SH2D1A: variants seen among roughly 807,000 people sequenced by gnomAD.
SH2D1A encodes the protein SH2 domain containing 1A.
Under a neutral mutation model 10.1 loss-of-function variants are expected in SH2D1A, and 6 were observed. The observed-to-expected ratio is 0.60, with a 90% CI of 0.33 to 1.18. The LOEUF is 1.18. Ranked by LOEUF, SH2D1A falls within the 50% of genes most tolerant of loss-of-function variation. The probability of loss-of-function intolerance (pLI) is 0.04; values close to 1 mark genes in which losing one functional copy is unlikely to be tolerated. For synonymous variants in SH2D1A, 42 were observed against 36.9 expected (o/e 1.14, Z -0.51); for missense variants, 51 against 97.6 (o/e 0.52, Z 2.01).
chrX:124,363,983 A>C (rs2060047483), intron 1 of SH2D1A, among the ~76,000 whole-genome samples: 1 of 109,886 alleles, frequency 9.1e-6, no homozygotes, highest in African/African-American at 3.3e-5. Context: ...ATACTTGATA[A>C]TGATAACAAA....
At position 124,372,852 on chromosome X, in the gene SH2D1A, G is replaced by A. The variant is rs1476571984; in HGVS notation, c.*1461G>A. On this transcript the variant is annotated 3_prime_UTR_variant, in exon 4 of 4. Transcript: ENST00000371139. ...AGTACAAAAGTGGAGTGTGGCCTGA[G>A]TAATGCATTATGGGTGGTTTACCAT... is the stretch of plus-strand genomic sequence containing the variant. The A allele has an allele frequency of 6.3e-6, 1 of 159,509 alleles. No homozygotes were observed. The highest frequency in any genetic ancestry group is 3.0e-5 in the African/African-American group (1 of 33,036). 13.1% of individuals were successfully genotyped at this position (159,509 alleles called of 1,213,427 possible).
chrX:124,359,878 T>C (rs2060035897), intron 1 of SH2D1A, among the ~76,000 whole-genome samples: 1 of 111,343 alleles, frequency 9.0e-6, no homozygotes, highest in Non-Finnish European at 1.9e-5. Flanking sequence ...CTTTAGGTAA[T>C]CAGTTCTGAT....
At chrX:124,358,514 T>C (rs1360706934) in intron 1 of SH2D1A, among the ~76,000 whole-genome samples, 1 of 112,355 alleles carries the variant, frequency 8.9e-6, no homozygotes, top group African/African-American at 3.2e-5. Context: ...ATAGAAGCTA[T>C]AGAAAATAAA....
chrX:124,346,783 A>G lies in SH2D1A; in HGVS notation c.137+4A>G. 2 of 1,211,240 alleles carry G rather than the reference A, an allele frequency of 1.7e-6. No homozygotes were observed. The highest frequency in any genetic ancestry group is 2.2e-6 in the Non-Finnish European group (2 of 895,079). On this transcript the variant is annotated splice_donor_region_variant and intron_variant, in intron 1 of 3. Transcript: ENST00000371139. Reference sequence around the variant, plus strand: ...GCGTGTACTGCCTATGTGTGCTGTGAGTATGATACGGTGGACATGGGCCTG... The same window carrying G: ...GCGTGTACTGCCTATGTGTGCTGTGGGTATGATACGGTGGACATGGGCCTG...
At chrX:124,362,884 G>C (rs1449503303) in intron 1 of SH2D1A, among the ~76,000 whole-genome samples, 1 of 110,757 alleles carries the variant, frequency 9.0e-6, no homozygotes, top group Admixed American at 9.7e-5. Context: ...AATCATAAGT[G>C]TGGGGCTCCA....
rs1309283859 is a variant in SH2D1A at position 124,370,292 on chromosome X, C to T, written c.318C>T (p.Ser106=). The change falls in exon 3 of 4, where the codon TCC becomes TCT. Residue 106 remains serine (S), a synonymous_variant. Coordinates refer to ENST00000371139, the MANE Select transcript of SH2D1A (RefSeq NM_002351.5). ...TGCAGTATCCAGTTGAGAAGAAGTC[C>T]TCAGCTAGAAGTACACAAGGTACTA... ...IPLQYPVEKK[S]SARSTQGTTG... is the part of the protein sequence containing the mutation. 1.7e-6 allele frequency: 2 copies of T among 1,204,553 alleles called. No homozygotes were observed. The highest frequency in any genetic ancestry group is 2.2e-6 in the Non-Finnish European group (2 of 889,057).
In SH2D1A at chrX:124,346,579, C is replaced by T. The variant is rs1347656988; in HGVS notation, c.-64C>T. The T allele has an allele frequency of 5.1e-6, 6 of 1,178,129 alleles. No individual in the cohort carries two copies. Among genetic ancestry groups the T allele is most frequent in the Non-Finnish European group, 6.9e-6 (6 of 866,857 alleles). ...CAGGTGGTTGACTTGTGCCTGGCTG[C>T]AGTAGCAGCGGCATCTCCCTTGCAC... is the stretch of plus-strand genomic sequence containing the variant. On this transcript the variant is annotated 5_prime_UTR_variant, in exon 1 of 4. Coordinates refer to ENST00000371139, the MANE Select transcript of SH2D1A (RefSeq NM_002351.5).
chrX:124,363,906 A>AAG (rs1569527529), intron 1 of SH2D1A, among the ~76,000 whole-genome samples: 3 of 106,056 alleles, frequency 2.8e-5, no homozygotes, highest in African/African-American at 6.8e-5. Context: ...AAAAAAAAAA[A>AAG]AAAAAAAAAA....
At chrX:124,350,307 T>TA (rs2060006942) in intron 1 of SH2D1A, among the ~76,000 whole-genome samples, 1 of 31,546 alleles carries the variant, frequency 3.2e-5, no homozygotes, top group African/African-American at 1.6e-4. Context: ...TATATAAATA[T>TA]ATATTATATA....
In SH2D1A at chrX:124,371,372, T is replaced by C; in HGVS notation, c.368T>C (p.Val123Ala). The part of the protein sequence containing the change: ...GTTGIREDPD[V>A]CLKAP ...TTAGGGATAAGAGAAGATCCTGATGTCTGCCTGAAAGCCCCATGAAGAAAA... is the reference window on the plus strand; with the variant it reads ...TTAGGGATAAGAGAAGATCCTGATGCCTGCCTGAAAGCCCCATGAAGAAAA... Residue 123 changes from valine to alanine, a missense_variant, in exon 4 of 4, where the codon GTC becomes GCC. By Grantham distance (64) the Val-to-Ala change is moderately conservative. Coordinates refer to ENST00000371139, the MANE Select transcript of SH2D1A (RefSeq NM_002351.5). The C allele has an allele frequency of 8.5e-7, 1 of 1,174,801 alleles. No homozygotes were observed. Among genetic ancestry groups the C allele is most frequent in the Admixed American group, 2.2e-5 (1 of 45,504 alleles).
In SH2D1A at chrX:124,370,219, A is replaced by G. The variant is rs1240316635; in HGVS notation, c.245A>G (p.Asn82Ser). The G allele has an allele frequency of 2.5e-6, 3 of 1,199,375 alleles. No individual in the cohort carries two copies. Among genetic ancestry groups the G allele is most frequent in the Non-Finnish European group, 2.3e-6 (2 of 885,506 alleles). Reference sequence around the variant, plus strand: ...AAAAGATATTTCCGGAAAATAAAAAATCTCATTTCAGCATTTCAGAAGCCA... The same window carrying G: ...AAAAGATATTTCCGGAAAATAAAAAGTCTCATTTCAGCATTTCAGAAGCCA... The part of the protein sequence containing the change: ...VHKRYFRKIK[N>S]LISAFQKPDQ... Residue 82 changes from asparagine (N) to serine (S), a missense_variant, in exon 3 of 4, where the codon AAT becomes AGT. Coordinates refer to ENST00000371139, the MANE Select transcript of SH2D1A (RefSeq NM_002351.5).
chrX:124,351,275 G>A (rs1172678686), intron 1 of SH2D1A, among the ~76,000 whole-genome samples: 1 of 107,312 alleles, frequency 9.3e-6, no homozygotes, highest in African/African-American at 3.4e-5. Context: ...CAGCTAGCTA[G>A]TAAGTATACC....
At chrX:124,367,275 AT>A (rs921265739) in intron 2 of SH2D1A, among the ~76,000 whole-genome samples, 3 of 112,221 alleles carry the variant, frequency 2.7e-5, no homozygotes, top group African/African-American at 6.5e-5. Context: ...TGCATATTGC[AT>A]TTTTTTCTAT....
intron 1 of SH2D1A, chrX:124,364,457 A>G: frequency 3.7e-6 from 1 of 266,703 alleles, no homozygotes; most frequent in South Asian, 3.9e-5. Context: ...AAAATTTACA[A>G]GTTTATAAAG....
chrX:124,360,185 C>T (rs373627457), intron 1 of SH2D1A, among the ~76,000 whole-genome samples: 3 of 110,915 alleles, frequency 2.7e-5, no homozygotes, highest in Non-Finnish European at 3.8e-5. Context: ...GGATTACAGG[C>T]GTGAGCCTAA....
chrX:124,366,513 A>C (rs1301455377), intron 2 of SH2D1A, among the ~76,000 whole-genome samples: 2 of 111,790 alleles, frequency 1.8e-5, no homozygotes, highest in Non-Finnish European at 3.8e-5. Flanking sequence ...TGAACTCCTG[A>C]AAATTGCCAC....
chrX:124,362,038 G>A (rs1469673087), intron 1 of SH2D1A, among the ~76,000 whole-genome samples: 1 of 111,861 alleles, frequency 8.9e-6, no homozygotes, highest in Non-Finnish European at 1.9e-5. Flanking sequence ...ATAGAGTTTG[G>A]AAAAAAGCAG....
At chrX:124,364,838 C>A (rs902511847) in intron 1 of SH2D1A, among the ~76,000 whole-genome samples, 2 of 111,306 alleles carry the variant, frequency 1.8e-5, no homozygotes, top group African/African-American at 6.5e-5. Flanking sequence ...ATGTCCTAGG[C>A]CTTCACATTC....
intron 1 of SH2D1A, among the ~76,000 whole-genome samples, chrX:124,348,794 A>G (rs2060000273): frequency 1.8e-5 from 2 of 112,231 alleles, no homozygotes; most frequent in Admixed American, 1.9e-4. Context: ...CACTCAGCAG[A>G]TATTTTTGAA....
Sources: gnomAD v4.1 joint callset for allele counts (sites outside exome capture counted in the v4.1 genomes callset) on GRCh38, gnomAD v4.1.1 for gene constraint, MANE v1.5 for transcripts, NCBI Gene and HGNC (gene_info 2026-07-23, HGNC 2026-07-21) for gene names.